The following DLG2 variants were observed in gnomAD, a reference collection of about 807,000 sequenced individuals.
DLG2 encodes the protein disks large homolog 2.
DLG2 carries 45 observed loss-of-function variants against 132.5 expected under a neutral mutation model. The ratio of observed to expected loss-of-function variants is 0.34; its 90% CI spans 0.27 to 0.44. The LOEUF (loss-of-function observed/expected upper bound fraction) is 0.44. Ranked by LOEUF, DLG2 falls within the 20% of genes least tolerant of loss-of-function variation. DLG2 has a pLI of 1.00. For missense variants in DLG2, 1,045 were observed against 1,196.9 expected (o/e 0.87, Z 1.87); for synonymous variants, 424 against 419.6 (o/e 1.01, Z -0.13).
At chr11:84,097,231 T>G (rs2097177521) in intron 10 of DLG2, among the ~76,000 whole-genome samples, 1 of 152,334 alleles carries the variant, frequency 6.6e-6, no homozygotes, top group South Asian at 2.1e-4. Context: ...AATTAGGCTT[T>G]GACCTTAGGC....
intron 3 of DLG2, among the ~76,000 whole-genome samples, chr11:85,301,019 G>C (rs1248967276): frequency 6.6e-6 from 1 of 152,100 alleles, no homozygotes; most frequent in Non-Finnish European, 1.5e-5. Context: ...TGGCCAACAA[G>C]ACGAAACCTC....
intron 7 of DLG2, among the ~76,000 whole-genome samples, chr11:84,449,690 T>C (rs1039757601): frequency 6.6e-6 from 1 of 151,910 alleles, no homozygotes; most frequent in African/African-American, 2.4e-5. Flanking sequence ...CATACTATCT[T>C]TATTGTTGTT....
intron 19 of DLG2, among the ~76,000 whole-genome samples, chr11:83,564,788 T>A (rs903673807): frequency 5.3e-5 from 8 of 152,182 alleles, no homozygotes; most frequent in Non-Finnish European, 1.0e-4. Context: ...TTCGTCATCA[T>A]CATGATCATT....
intron 11 of DLG2, among the ~76,000 whole-genome samples, chr11:84,001,012 A>G (rs1325167390): frequency 6.6e-6 from 1 of 152,118 alleles, no homozygotes; most frequent in Non-Finnish European, 1.5e-5. Flanking sequence ...GGAAAACAAT[A>G]AAAGAAAAAT....
At chr11:84,596,157 T>TA (rs1199342845) in intron 6 of DLG2, among the ~76,000 whole-genome samples, 2 of 151,920 alleles carry the variant, frequency 1.3e-5, no homozygotes, top group Admixed American at 1.3e-4. Flanking sequence ...TTATCAGACT[T>TA]ACTCTGTTGA....
At chr11:83,587,753 C>A (rs1012712614) in intron 19 of DLG2, among the ~76,000 whole-genome samples, 5 of 152,118 alleles carry the variant, frequency 3.3e-5, no homozygotes, top group African/African-American at 7.2e-5. Flanking sequence ...CTAGGAAGTG[C>A]CAGACAGTGG....
chr11:84,698,901 T>C (rs1009302882), intron 6 of DLG2, among the ~76,000 whole-genome samples: 1 of 151,616 alleles, frequency 6.6e-6, no homozygotes, highest in Non-Finnish European at 1.5e-5. Context: ...AAATTTCATC[T>C]CTTCATATGT....
chr11:85,427,766 AC>A (rs1457628746), intron 3 of DLG2, among the ~76,000 whole-genome samples: 2 of 152,254 alleles, frequency 1.3e-5, no homozygotes, highest in African/African-American at 2.4e-5. Context: ...GATCAAATTC[AC>A]ACATAACACT....
intron 6 of DLG2, among the ~76,000 whole-genome samples, chr11:84,912,142 A>ATTT (rs2092116563): frequency 6.6e-6 from 1 of 151,244 alleles, no homozygotes; most frequent in Non-Finnish European, 1.5e-5. Context: ...TGGCTTTCAC[A>ATTT]ATTTATTTAT....
intron 3 of DLG2, among the ~76,000 whole-genome samples, chr11:85,548,027 G>A (rs2076437570): frequency 6.6e-6 from 1 of 152,064 alleles, no homozygotes; most frequent in South Asian, 2.1e-4. Context: ...TTGTTCCCTT[G>A]CTGGCAAGGA....
chr11:84,834,498 C>T (rs2079455113), intron 6 of DLG2, among the ~76,000 whole-genome samples: 1 of 151,542 alleles, frequency 6.6e-6, no homozygotes, highest in Admixed American at 6.6e-5. Flanking sequence ...TGCTCCTCCT[C>T]AGCCTTCACC....
At chr11:83,594,250 T>G (rs186999040) in intron 19 of DLG2, among the ~76,000 whole-genome samples, 1 of 152,350 alleles carries the variant, frequency 6.6e-6, no homozygotes. Context: ...GCTCTAAGAT[T>G]GTGGCCCCTC....
At chr11:84,872,306 T>C (rs2085594681) in intron 6 of DLG2, among the ~76,000 whole-genome samples, 1 of 152,206 alleles carries the variant, frequency 6.6e-6, no homozygotes, top group Non-Finnish European at 1.5e-5. Flanking sequence ...AGCCAATTAA[T>C]TAGTAGAGGA....
intron 8 of DLG2, among the ~76,000 whole-genome samples, chr11:84,187,662 A>G (rs1318194616): frequency 6.6e-6 from 1 of 152,112 alleles, no homozygotes; most frequent in Non-Finnish European, 1.5e-5. Context: ...TGTCATCAGC[A>G]AAATCTGCTC....
intron 6 of DLG2, among the ~76,000 whole-genome samples, chr11:85,080,236 A>C (rs2067068077): frequency 6.6e-6 from 1 of 152,110 alleles, no homozygotes; most frequent in South Asian, 2.1e-4. Context: ...AGGTCCAGTA[A>C]GATTTTAAAA....
intron 3 of DLG2, among the ~76,000 whole-genome samples, chr11:85,560,350 A>G (rs75335550): frequency 0.02 from 3,053 of 152,020 alleles, 110 homozygotes; most frequent in Admixed American, 0.037. Flanking sequence ...AACCAGGGAA[A>G]GGAACTTTTT....
At chr11:84,188,397 T>C (rs1377747) in intron 8 of DLG2, among the ~76,000 whole-genome samples, 110,233 of 151,970 alleles carry the variant, frequency 0.73, 41,935 homozygotes, top group Middle Eastern at 0.86. Flanking sequence ...TATATTATCT[T>C]ACTATGAAGT....
At chr11:84,781,111 C>G (rs912965396) in intron 6 of DLG2, among the ~76,000 whole-genome samples, 4 of 147,566 alleles carry the variant, frequency 2.7e-5, no homozygotes, top group Non-Finnish European at 4.5e-5. Context: ...TAATTTCAAT[C>G]TAAGTTTGGA....
At chr11:83,554,065 T>C (rs1047201783) in intron 19 of DLG2, among the ~76,000 whole-genome samples, 2 of 152,022 alleles carry the variant, frequency 1.3e-5, no homozygotes, top group African/African-American at 4.8e-5. Context: ...TCATGTTTTG[T>C]AGAGGCTAGG....
Sources: allele counts gnomAD v4.1 joint callset (sites outside exome capture counted in the v4.1 genomes callset), GRCh38; gene constraint gnomAD v4.1.1; transcripts MANE v1.5; gene names NCBI Gene and HGNC (gene_info 2026-07-23, HGNC 2026-07-21).